CNBP: variants seen among roughly 807,000 people sequenced by gnomAD.
CNBP encodes the protein CCHC-type zinc finger nucleic acid binding protein, also known as cellular nucleic acid-binding protein.
CNBP carries 6 observed loss-of-function variants against 21.2 expected under a neutral mutation model. The ratio of observed to expected loss-of-function variants is 0.28; its 90% CI spans 0.16 to 0.56. The LOEUF (loss-of-function observed/expected upper bound fraction) is 0.56, where lower values mean the gene tolerates loss of function less well. Ranked by LOEUF, CNBP falls within the 20% of genes least tolerant of loss-of-function variation. The pLI is 0.93. For missense variants in CNBP, 112 were observed against 233.1 expected (o/e 0.48, Z 3.38); for synonymous variants, 61 against 74.9 (o/e 0.81, Z 0.96).
intron 1 of CNBP, among the ~76,000 whole-genome samples, chr3:129,181,882 C>T (rs1175877430): frequency 6.6e-6 from 1 of 151,832 alleles, no homozygotes; most frequent in Non-Finnish European, 1.5e-5. Context: ...TAAATTATTC[C>T]TTTTATATTC....
rs1937571455 is a variant in CNBP at position 129,171,672 on chromosome 3, A to G, written c.86T>C (p.Met29Thr). ...AAAACCACCTCTGCCACGGCTTCTCATTCCACGACCACGGCCTCCACCAGT... is the reference window on the plus strand; with the variant it reads ...AAAACCACCTCTGCCACGGCTTCTCGTTCCACGACCACGGCCTCCACCAGT... ...CPTGGGRGRG[M>T]RSRGRGGFTS... Residue 29 changes from methionine to threonine, a missense_variant, in exon 2 of 5, where the codon ATG (methionine) becomes ACG (threonine). By Grantham distance (81) the Met-to-Thr change is moderately conservative (BLOSUM62 -1). Transcript: ENST00000422453. The G allele has an allele frequency of 1.5e-5, 25 of 1,614,054 alleles. No individual in the cohort carries two copies. The highest frequency in any genetic ancestry group is 1.9e-5 in the Non-Finnish European group (22 of 1,180,044).
intron 1 of CNBP, among the ~76,000 whole-genome samples, chr3:129,172,100 G>A (rs1271554275): frequency 5.3e-5 from 8 of 152,050 alleles, no homozygotes; most frequent in Non-Finnish European, 1.2e-4. Flanking sequence ...GAACCCAGGA[G>A]GCGGAGCTTA....
At chr3:129,178,158 C>CAA (rs368723690) in intron 1 of CNBP, among the ~76,000 whole-genome samples, 1,925 of 102,930 alleles carry the variant, frequency 0.019, 56 homozygotes, top group Admixed American at 0.029. Context: ...GACTCTGTCT[C>CAA]AAAAAAAAAA....
chr3:129,170,958 G>T, intron 4 of CNBP, 121 bp downstream of exon 4: 2 of 899,408 alleles, frequency 2.2e-6, no homozygotes, highest in Non-Finnish European at 3.4e-6. Flanking sequence ...GCTGAAAATT[G>T]GTCTTATCTG....
At position 129,171,652 on chromosome 3, in the gene CNBP, C is replaced by A. The variant is rs1310038223; in HGVS notation, c.106G>T (p.Gly36Cys). 4 of 1,614,146 alleles carry A rather than the reference C, an allele frequency of 2.5e-6. 1 individual carries two copies. The Admixed American group carries it at 6.7e-5, about 27-fold the overall frequency. ...GRGMRSRGRG[G>C]FTSDRGFQFV... is the part of the protein sequence containing the mutation. ...AAAATACCTCTATCCGAGGTAAAACCACCTCTGCCACGGCTTCTCATTCCA... is the reference window on the plus strand; with the variant it reads ...AAAATACCTCTATCCGAGGTAAAACAACCTCTGCCACGGCTTCTCATTCCA... Residue 36 changes from glycine to cysteine, a missense_variant, in exon 2 of 5, where the codon GGT (glycine) becomes TGT (cysteine). Coordinates refer to ENST00000422453, the MANE Select transcript of CNBP (RefSeq NM_003418.5).
rs1367375702 is a variant in CNBP at position 129,181,649 on chromosome 3, C to CAAAAAAAAAAA, written c.-15+2126_-15+2127insTTTTTTTTTTT. ...TGGGCGACAGAGTGAGACTCCGTCT[C>CAAAAAAAAAAA]AGAAAAAAAAAAAGAAAAACCCCTG... On this transcript the variant is annotated intron_variant, in intron 1 of 4. Transcript: ENST00000422453. 2.9e-3 allele frequency among the ~76,000 whole-genome samples: 207 copies of CAAAAAAAAAAA among 72,198 alleles called. 92 individuals carry two copies. Among genetic ancestry groups the CAAAAAAAAAAA allele is most frequent in the East Asian group, 4.4e-3 (10 of 2,266 alleles). The allele number at this position is 72,198 out of a possible 152,430, so 47.4% of individuals were successfully genotyped here. A position where few individuals can be genotyped will look rare whatever the true frequency, so the allele number is the denominator to read the frequency against.
At chr3:129,182,954 GTTTGTTTGTTTT>G (rs1576931220) in intron 1 of CNBP, among the ~76,000 whole-genome samples, 1 of 151,712 alleles carries the variant, frequency 6.6e-6, no homozygotes, top group African/African-American at 2.4e-5. Flanking sequence ...TTGTTTGTTT[GTTTGTTTGTTTT>G]TTTAAGACGG....
chr3:129,170,316 TTCC>T lies in CNBP; in HGVS notation c.*134_*136del, dbSNP rs1308743369. On this transcript the variant is annotated 3_prime_UTR_variant, in exon 5 of 5. Coordinates refer to ENST00000422453, the MANE Select transcript of CNBP (RefSeq NM_003418.5). ...AGAAAGTCGGTTTTTTTCCACCCCT[TTCC>T]TCCTTTTACACGGCAAGTAAAGCTC... 3 of 731,592 alleles carry T rather than the reference TTCC, an allele frequency of 4.1e-6. No homozygotes were observed. Among genetic ancestry groups the T allele is most frequent in the East Asian group, 2.5e-5 (1 of 40,298 alleles). 45.3% of individuals were successfully genotyped at this position (731,592 alleles called of 1,614,324 possible). A position where few individuals can be genotyped will look rare whatever the true frequency, so the allele number is the denominator to read the frequency against.
At chr3:129,176,818 A>AT (rs371160018) in intron 1 of CNBP, among the ~76,000 whole-genome samples, 3 of 151,806 alleles carry the variant, frequency 2.0e-5, no homozygotes, top group South Asian at 2.1e-4. Context: ...TCCCAATGTA[A>AT]TTTTTTTTTA....
rs1055358388 is a variant in CNBP, at chr3:129,168,726, C to G, written c.*1727G>C. Among the ~76,000 whole-genome samples the G allele has an allele frequency of 2.0e-5, 3 of 148,232 alleles. No individual in the cohort carries two copies. In the Admixed American group the frequency reaches 2.0e-4, roughly 10 times the overall value. On this transcript the variant is annotated 3_prime_UTR_variant, in exon 5 of 5. Transcript: ENST00000422453. ...CCTGTAACACTAGCACTTTGGGGGG[C>G]GGGGCAGGTGGATCACCTGAGGTCA...
At position 129,170,360 on chromosome 3, in the gene CNBP, G is replaced by T; in HGVS notation, c.*93C>A. 9.5e-7 allele frequency: 1 copy of T among 1,054,858 alleles called. No individual in the cohort carries two copies. The highest frequency in any genetic ancestry group is 1.5e-6 in the Non-Finnish European group (1 of 678,082). 65.3% of individuals were successfully genotyped at this position (1,054,858 alleles called of 1,614,324 possible). On this transcript the variant is annotated 3_prime_UTR_variant, in exon 5 of 5. Transcript: ENST00000422453. ...AGTAAAGCTCACTGGCCTGGGAGTT[G>T]CCTCTATCTGCCAACCTTTGGCCAG... is the stretch of plus-strand genomic sequence containing the variant.
rs1179374079 is a variant in CNBP at position 129,181,650 on chromosome 3, AG to A, written c.-15+2125del. ...GGGCGACAGAGTGAGACTCCGTCTC[AG>A]AAAAAAAAAAAGAAAAACCCCTGGT... On this transcript the variant is annotated intron_variant, in intron 1 of 4. Transcript: ENST00000422453. Among the ~76,000 whole-genome samples, 14 of 52,728 alleles carry A rather than the reference AG, an allele frequency of 2.7e-4. 3 individuals are homozygous for A. The South Asian group carries it at 4.2e-3, about 16-fold the overall frequency. 34.6% of individuals were successfully genotyped at this position (52,728 alleles called of 152,430 possible).
chr3:129,174,589 C>T (rs892711068), intron 1 of CNBP, among the ~76,000 whole-genome samples: 1 of 149,932 alleles, frequency 6.7e-6, no homozygotes, highest in Non-Finnish European at 1.5e-5. Context: ...CTCTTGAACC[C>T]GGGAGGTGGA....
At chr3:129,178,992 T>C (rs893339720) in intron 1 of CNBP, among the ~76,000 whole-genome samples, 23 of 152,040 alleles carry the variant, frequency 1.5e-4, no homozygotes, top group Admixed American at 7.2e-4. Context: ...AAACGAACTA[T>C]GGGGGCCGGG....
chr3:129,181,239 C>CAAAA (rs10587328), intron 1 of CNBP, among the ~76,000 whole-genome samples: 17 of 53,176 alleles, frequency 3.2e-4, no homozygotes, highest in Non-Finnish European at 3.5e-4. Flanking sequence ...GACTCTGTCT[C>CAAAA]AAAAAAAAAA....
chr3:129,174,409 T>TA (rs1440377928), intron 1 of CNBP, among the ~76,000 whole-genome samples: 4 of 140,212 alleles, frequency 2.9e-5, no homozygotes, highest in Non-Finnish European at 4.5e-5. Flanking sequence ...CTCACACCTG[T>TA]AATCCCAGCA....
rs1937514119 is a variant in CNBP, at chr3:129,168,782, G to T, written c.*1671C>A. ...TGGAGACCAGCCCGACCAACATGATGAAACCCAGTCTCTACTAAAAATACA... is the reference window on the plus strand; with the variant it reads ...TGGAGACCAGCCCGACCAACATGATTAAACCCAGTCTCTACTAAAAATACA... On this transcript the variant is annotated 3_prime_UTR_variant, in exon 5 of 5. Transcript: ENST00000422453. 6.6e-6 allele frequency among the ~76,000 whole-genome samples: 1 copy of T among 151,864 alleles called. No homozygotes were observed. Among genetic ancestry groups the T allele is most frequent in the Admixed American group, 6.6e-5 (1 of 15,218 alleles).
In CNBP at chr3:129,181,239, C is replaced by CAAAAAAA. The variant is rs10587328; in HGVS notation, c.-15+2530_-15+2536dup. Among the ~76,000 whole-genome samples the CAAAAAAA allele has an allele frequency of 2.0e-3, 105 of 53,172 alleles. 3 individuals carry two copies. The highest frequency in any genetic ancestry group is 4.5e-3 in the Admixed American group (16 of 3,558). 34.9% of individuals were successfully genotyped at this position (53,172 alleles called of 152,430 possible). ...TGGCCGACAGAGAAAGACTCTGTCT[C>CAAAAAAA]AAAAAAAAAAAAAAAAAAAAAAAAA... On this transcript the variant is annotated intron_variant, in intron 1 of 4. Coordinates refer to ENST00000422453, the MANE Select transcript of CNBP (RefSeq NM_003418.5).
intron 1 of CNBP, among the ~76,000 whole-genome samples, chr3:129,181,793 GTTAT>G (rs1938320770): frequency 6.6e-6 from 1 of 151,862 alleles, no homozygotes; most frequent in Non-Finnish European, 1.5e-5. Context: ...AACACAAACT[GTTAT>G]TTTTTTAAAG....
Sources: gnomAD v4.1 joint callset for allele counts (sites outside exome capture counted in the v4.1 genomes callset) on GRCh38, gnomAD v4.1.1 for gene constraint, MANE v1.5 for transcripts, NCBI Gene and HGNC (gene_info 2026-07-23, HGNC 2026-07-21) for gene names.